DLC1: variants seen among roughly 807,000 people sequenced by gnomAD.
The protein encoded by DLC1 is DLC1 Rho GTPase activating protein.
A neutral mutation model predicts 140.3 loss-of-function variants in DLC1; 54 were observed. That is an observed-to-expected ratio of 0.38 (90% CI 0.31 to 0.48). The LOEUF is 0.48. DLC1 is among the 20% of genes least tolerant of loss of function. The pLI is 0.96. For missense variants in DLC1, 2,536 were observed against 1,907.0 expected (o/e 1.33, Z -6.14); for synonymous variants, 986 against 728.1 (o/e 1.35, Z -5.70).
intron 6 of DLC1, among the ~76,000 whole-genome samples, chr8:13,114,070 G>A: frequency 6.6e-6 from 1 of 152,170 alleles, no homozygotes; most frequent in Non-Finnish European, 1.5e-5. Flanking sequence ...CCATTTAAAT[G>A]AACTGCCTAG....
At chr8:13,127,888 C>T (rs1321576896) in intron 5 of DLC1, among the ~76,000 whole-genome samples, 2 of 152,244 alleles carry the variant, frequency 1.3e-5, no homozygotes, top group Non-Finnish European at 2.9e-5. Context: ...GTGCCAAAGG[C>T]ATCTGAGGAC....
intron 16 of DLC1, among the ~76,000 whole-genome samples, chr8:13,088,022 A>G (rs1051236780): frequency 9.9e-5 from 15 of 152,230 alleles, no homozygotes; most frequent in East Asian, 9.6e-4. Flanking sequence ...CACTGCTAGA[A>G]TAAATGTAGA....
intron 5 of DLC1, among the ~76,000 whole-genome samples, chr8:13,224,853 C>G (rs1353998114): frequency 6.6e-6 from 1 of 152,136 alleles, no homozygotes; most frequent in East Asian, 1.9e-4. Context: ...CTATGCTAGT[C>G]TTATGCACCA....
intron 1 of DLC1, among the ~76,000 whole-genome samples, chr8:13,542,511 A>G (rs1233965540): frequency 6.6e-6 from 1 of 151,994 alleles, no homozygotes; most frequent in African/African-American, 2.4e-5. Context: ...AGGTCCTTTG[A>G]ATTTCCATAT....
chr8:13,199,883 C>T (rs976013250), intron 5 of DLC1, among the ~76,000 whole-genome samples: 5 of 152,066 alleles, frequency 3.3e-5, no homozygotes, highest in African/African-American at 4.8e-5. Context: ...TTACAAGTAT[C>T]GCTATTGTTT....
chr8:13,499,315 C>G lies in DLC1; in HGVS notation c.757G>C (p.Val253Leu), dbSNP rs1282458084. 2.5e-6 allele frequency: 4 copies of G among 1,614,078 alleles called. No individual in the cohort carries two copies. In the South Asian group the frequency reaches 3.3e-5, roughly 13 times the overall value. ...GGAGTATCCAAGAACTCATTTTGTA[C>G]TACATTGCAGGTGCTTCTTTCATTT... ...DENERSTCNV[V>L]QNEFLDTPCT... The change falls in exon 2 of 18, where the codon GTA becomes CTA. Residue 253 changes from valine to leucine, a missense_variant. Transcript: ENST00000276297.
chr8:13,323,287 C>T (rs879659404), intron 4 of DLC1, among the ~76,000 whole-genome samples: 3 of 152,204 alleles, frequency 2.0e-5, no homozygotes, highest in East Asian at 1.9e-4. Flanking sequence ...ATTTTATATA[C>T]ATCTGTAAAA....
intron 7 of DLC1, among the ~76,000 whole-genome samples, chr8:13,104,335 A>C (rs1163768996): frequency 2.1e-5 from 3 of 145,040 alleles, no homozygotes; most frequent in Non-Finnish European, 4.6e-5. Flanking sequence ...AGTTTCGTTG[A>C]AAATAAAATA....
At chr8:13,409,165 T>G (rs911644080) in intron 2 of DLC1, among the ~76,000 whole-genome samples, 3 of 152,186 alleles carry the variant, frequency 2.0e-5, no homozygotes, top group Non-Finnish European at 4.4e-5. Context: ...TTATTATTTT[T>G]ACCACTGTAT....
chr8:13,482,598 T>C (rs2117124172), intron 2 of DLC1, among the ~76,000 whole-genome samples: 1 of 152,322 alleles, frequency 6.6e-6, no homozygotes, highest in Non-Finnish European at 1.5e-5. Flanking sequence ...GATGTCCCCA[T>C]GTAATTAACT....
chr8:13,087,914 G>C (rs1817699863), intron 16 of DLC1, among the ~76,000 whole-genome samples: 1 of 152,156 alleles, frequency 6.6e-6, no homozygotes, highest in African/African-American at 2.4e-5. Flanking sequence ...TATCCTAAAA[G>C]GGGCAAAAAT....
At chr8:13,420,521 A>G (rs981053650) in intron 2 of DLC1, among the ~76,000 whole-genome samples, 1 of 152,048 alleles carries the variant, frequency 6.6e-6, no homozygotes, top group Non-Finnish European at 1.5e-5. Flanking sequence ...TAAGTCTCGC[A>G]TGCATTAGGT....
intron 2 of DLC1, among the ~76,000 whole-genome samples, chr8:13,456,935 T>C (rs1253546577): frequency 6.6e-6 from 1 of 152,246 alleles, no homozygotes; most frequent in Non-Finnish European, 1.5e-5. Context: ...GTTATCAATG[T>C]GGTCAAATGG....
chr8:13,125,671 C>T (rs1396502081), intron 5 of DLC1, among the ~76,000 whole-genome samples: 2 of 152,050 alleles, frequency 1.3e-5, no homozygotes, highest in Non-Finnish European at 2.9e-5. Flanking sequence ...TTGTAAATCA[C>T]CATACTGGTT....
intron 5 of DLC1, among the ~76,000 whole-genome samples, chr8:13,291,273 A>C (rs1182662783): frequency 6.6e-6 from 1 of 152,234 alleles, no homozygotes; most frequent in African/African-American, 2.4e-5. Context: ...GAGGAAAAGA[A>C]AACTGAAATA....
At chr8:13,412,823 T>C (rs1161670741) in intron 2 of DLC1, among the ~76,000 whole-genome samples, 2 of 149,546 alleles carry the variant, frequency 1.3e-5, no homozygotes, top group African/African-American at 4.9e-5. Flanking sequence ...TCCCAGCTAC[T>C]AGGGAGGCTG....
At chr8:13,470,028 T>C (rs1800135915) in intron 2 of DLC1, among the ~76,000 whole-genome samples, 1 of 152,196 alleles carries the variant, frequency 6.6e-6, no homozygotes, top group African/African-American at 2.4e-5. Context: ...TAAAGTACCA[T>C]CTAACAATAA....
intron 12 of DLC1, among the ~76,000 whole-genome samples, 170 bp from the exon 13 acceptor site, chr8:13,092,995 G>C (rs150890618): frequency 2.1e-4 from 32 of 152,228 alleles, no homozygotes; most frequent in African/African-American, 7.5e-4. Flanking sequence ...TGCCACCGGC[G>C]TCACTATCCT....
At chr8:13,096,980 G>C (rs1421752561) in intron 10 of DLC1, among the ~76,000 whole-genome samples, 1 of 152,154 alleles carries the variant, frequency 6.6e-6, no homozygotes. Flanking sequence ...ACTGATAGCA[G>C]AAAAATTAAG....
Sources: gnomAD v4.1 joint callset for allele counts (sites outside exome capture counted in the v4.1 genomes callset) on GRCh38, gnomAD v4.1.1 for gene constraint, MANE v1.5 for transcripts, NCBI Gene and HGNC (gene_info 2026-07-23, HGNC 2026-07-21) for gene names.